Variants in LRGUK observed in about 807,000 individuals in gnomAD.
LRGUK encodes leucine-rich repeat and guanylate kinase domain-containing protein.
In LRGUK, 65 loss-of-function variants were observed where a neutral mutation model predicts 76.0. The observed-to-expected ratio is 0.85, with a 90% CI of 0.70 to 1.05. LRGUK has a LOEUF of 1.05. LRGUK is among the 50% of genes least tolerant of loss of function. The pLI, the probability that LRGUK is intolerant of heterozygous loss-of-function variation, is 0.00. For missense variants in LRGUK, 758 were observed against 732.8 expected, an observed-to-expected ratio of 1.03 and a Z score of -0.40; for synonymous variants, 268 against 265.6, an observed-to-expected ratio of 1.01 and a Z score of -0.09.
At chr7:134,222,814 T>G (rs1801635509) in intron 16 of LRGUK, among the ~76,000 whole-genome samples, 2 of 152,028 alleles carry the variant, frequency 1.3e-5, no homozygotes, top group South Asian at 4.1e-4. Flanking sequence ...TTCTTGTTGG[T>G]GAGGCTCTCC....
chr7:134,166,206 G>T (rs1798976395), intron 7 of LRGUK, among the ~76,000 whole-genome samples: 1 of 152,044 alleles, frequency 6.6e-6, no homozygotes, highest in Non-Finnish European at 1.5e-5. Flanking sequence ...TAAGAATATT[G>T]TTTTATTGGT....
chr7:134,171,810 A>G (rs925927753), intron 7 of LRGUK, among the ~76,000 whole-genome samples: 2 of 152,168 alleles, frequency 1.3e-5, no homozygotes, highest in African/African-American at 4.8e-5. Flanking sequence ...TGTTATGCAC[A>G]CAGCCCTGGG....
Position 134,221,859 on chromosome 7 carries a change from AC to A in LRGUK, c.1925del (p.Thr642LysfsTer36), listed in dbSNP as rs769324092. On this transcript the variant is annotated frameshift_variant, in exon 16 of 20. Transcript: ENST00000285928. LOFTEE classifies it high-confidence loss of function. ...GAATATGGGTGATTTCCTGCATTCT[AC>A]AGACAGAAACTACCTCATTAAATTT... 9 of 1,602,170 alleles carry A rather than the reference AC, an allele frequency of 5.6e-6. No homozygotes were observed. The highest frequency in any genetic ancestry group is 7.7e-6 in the Non-Finnish European group (9 of 1,175,310).
intron 16 of LRGUK, among the ~76,000 whole-genome samples, chr7:134,227,029 A>G (rs1283853401): frequency 1.3e-5 from 2 of 151,974 alleles, no homozygotes; most frequent in African/African-American, 2.4e-5. Context: ...GCTGAGAACA[A>G]CTAGAAAATC....
chr7:134,132,104 T>G (rs1438232543), intron 1 of LRGUK, among the ~76,000 whole-genome samples: 1 of 152,080 alleles, frequency 6.6e-6, no homozygotes, highest in Non-Finnish European at 1.5e-5. Context: ...TCCTGACACT[T>G]TGGGAGCCAG....
At chr7:134,210,230 C>G (rs898650518) in exon 16 of LRGUK, 2 of 399,142 alleles carry the variant, frequency 5.0e-6, no homozygotes, top group Non-Finnish European at 8.8e-6. Context: ...CAACCCCAGC[C>G]CTCCTCTTGT....
chr7:134,208,835 A>G, exon 16 of LRGUK: 1 of 399,002 alleles, frequency 2.5e-6, no homozygotes, highest in East Asian at 3.6e-5. Context: ...AATTCATGCC[A>G]AGGACCTAGA....
downstream of LRGUK, among the ~76,000 whole-genome samples, chr7:134,268,075 C>T (rs1357765145): frequency 2.0e-5 from 3 of 151,922 alleles, no homozygotes; most frequent in Non-Finnish European, 2.9e-5. Context: ...TCCTACCTGA[C>T]GAACCAGAAC....
intron 7 of LRGUK, among the ~76,000 whole-genome samples, chr7:134,169,951 G>A (rs57934505): frequency 0.14 from 21,216 of 151,934 alleles, 1,900 homozygotes; most frequent in East Asian, 0.32. Context: ...ATACTAATTA[G>A]TGTCCTACCA....
At chr7:134,160,991 T>C (rs1223828035) in intron 6 of LRGUK, among the ~76,000 whole-genome samples, 4 of 152,134 alleles carry the variant, frequency 2.6e-5, no homozygotes, top group Admixed American at 6.5e-5. Context: ...TCAGTTGTGG[T>C]TTCTTTTATG....
chr7:134,262,974 A>AAC (rs1451494600), intron 19 of LRGUK, among the ~76,000 whole-genome samples: 1 of 71,990 alleles, frequency 1.4e-5, no homozygotes, highest in African/African-American at 3.3e-5. Context: ...TGGTCTCAAA[A>AAC]AAAAAAAAAA....
chr7:134,200,984 T>C (rs1800742445), intron 14 of LRGUK, among the ~76,000 whole-genome samples: 1 of 152,168 alleles, frequency 6.6e-6, no homozygotes. Flanking sequence ...CTGTGGGCTG[T>C]CTGCCAAGAA....
downstream of LRGUK, among the ~76,000 whole-genome samples, chr7:134,268,862 TG>T (rs71531816): frequency 0.34 from 51,654 of 150,670 alleles, 10,927 homozygotes; most frequent in South Asian, 0.5. Flanking sequence ...CCTGAGTAGC[TG>T]GGACTACAGG....
At chr7:134,148,061 CAAAAAAAAA>C (rs10556613) in intron 4 of LRGUK, among the ~76,000 whole-genome samples, 168 bp from the exon 5 acceptor site, 341 of 123,220 alleles carry the variant, frequency 2.8e-3, no homozygotes, top group Admixed American at 6.2e-3. Flanking sequence ...GACTCCTTTT[CAAAAAAAAA>C]AAAAAAAAAA....
At chr7:134,234,802 A>C (rs1801977447) in intron 16 of LRGUK, among the ~76,000 whole-genome samples, 1 of 140,616 alleles carries the variant, frequency 7.1e-6, no homozygotes, top group Admixed American at 7.2e-5. Flanking sequence ...CCCTTCCATT[A>C]TTTCCCTATC....
At chr7:134,205,486 A>G (rs1800965916) in intron 15 of LRGUK, among the ~76,000 whole-genome samples, 1 of 152,220 alleles carries the variant, frequency 6.6e-6, no homozygotes, top group Non-Finnish European at 1.5e-5. Context: ...TTTAAGTTCT[A>G]TAATTTAGAT....
chr7:134,182,132 A>G (rs1403823285), intron 10 of LRGUK, among the ~76,000 whole-genome samples: 1 of 152,054 alleles, frequency 6.6e-6, no homozygotes, highest in African/African-American at 2.4e-5. Flanking sequence ...GCTTTTTTTC[A>G]CTCAGACTAA....
At chr7:134,269,621 A>T in the LRGUK span, among the ~76,000 whole-genome samples, 8 of 152,166 alleles carry the variant, frequency 5.3e-5, no homozygotes, top group African/African-American at 1.9e-4. Flanking sequence ...AAATGCTAGG[A>T]TTACAGGTGT....
chr7:134,188,619 G>T (rs1211964484), intron 11 of LRGUK, among the ~76,000 whole-genome samples: 6 of 152,154 alleles, frequency 3.9e-5, no homozygotes, highest in Non-Finnish European at 8.8e-5. Flanking sequence ...GGAATCTTTT[G>T]TGTGGAGGAT....
Sources: allele counts gnomAD v4.1 joint callset (sites outside exome capture counted in the v4.1 genomes callset), GRCh38; gene constraint gnomAD v4.1.1; transcripts MANE v1.5; gene names NCBI Gene and HGNC (gene_info 2026-07-23, HGNC 2026-07-21).